The following PLCL2 variants were observed in gnomAD, a reference collection of about 807,000 sequenced individuals.
PLCL2 encodes phospholipase C like 2, also known as inactive phospholipase C-like protein 2.
Under a neutral mutation model 79.6 loss-of-function variants are expected in PLCL2, and 4 were observed. The observed-to-expected ratio is 0.05, with a 90% CI of 0.02 to 0.11. PLCL2 has a LOEUF of 0.11. PLCL2 is among the 10% of genes least tolerant of loss of function. The pLI is 1.00. For synonymous variants in PLCL2, 484 were observed against 457.7 expected, an observed-to-expected ratio of 1.06 and a Z score of -0.73; for missense variants, 895 against 1,291.0, an observed-to-expected ratio of 0.69 and a Z score of 4.70.
chr3:17,060,539 C>T lies in PLCL2; in HGVS notation c.3095-7417C>T, dbSNP rs114150846. Among the ~76,000 whole-genome samples the T allele has an allele frequency of 5.3e-3, 805 of 152,222 alleles. 12 individuals are homozygous for T. The highest frequency in any genetic ancestry group is 0.019 in the African/African-American group (776 of 41,522). ...AGGATGTAAACACCCACAGGTAGGC[C>T]GCACACCCAAACTTCAGACCTCCGG... On this transcript the variant is annotated intron_variant, in intron 4 of 5. Coordinates refer to ENST00000615277, the MANE Select transcript of PLCL2 (RefSeq NM_001144382.2).
intron 5 of PLCL2, among the ~76,000 whole-genome samples, chr3:17,074,599 C>G (rs751069939): frequency 4.6e-5 from 7 of 152,344 alleles, no homozygotes; most frequent in Non-Finnish European, 1.0e-4. Flanking sequence ...TAGATGGCAT[C>G]TTCTTTCAAT....
chr3:17,032,929 G>A (rs958695191), intron 3 of PLCL2, among the ~76,000 whole-genome samples: 11 of 152,280 alleles, frequency 7.2e-5, no homozygotes, highest in African/African-American at 1.9e-4. Context: ...GTGTGAATAT[G>A]ATTATATATT....
intron 1 of PLCL2, among the ~76,000 whole-genome samples, chr3:16,984,115 T>A (rs1485145081): frequency 6.6e-6 from 1 of 152,198 alleles, no homozygotes; most frequent in East Asian, 1.9e-4. Flanking sequence ...GTGGAGGGTA[T>A]TTCTTTACTA....
chr3:17,035,474 G>A (rs77613805), intron 3 of PLCL2, among the ~76,000 whole-genome samples: 1,993 of 152,144 alleles, frequency 0.013, 50 homozygotes, highest in African/African-American at 0.045. Flanking sequence ...CAGCCTTGGA[G>A]TCCTCCTCCA....
intron 1 of PLCL2, among the ~76,000 whole-genome samples, chr3:16,898,948 G>T (rs1230562423): frequency 1.3e-5 from 2 of 152,228 alleles, no homozygotes; most frequent in Non-Finnish European, 2.9e-5. Context: ...GGGGGTTGCG[G>T]GGACCCACGC....
At chr3:17,005,206 G>A (rs2064249360) in intron 1 of PLCL2, among the ~76,000 whole-genome samples, 2 of 152,150 alleles carry the variant, frequency 1.3e-5, no homozygotes, top group Admixed American at 1.3e-4. Flanking sequence ...GAAACAGGAG[G>A]TAATTTTCTT....
At chr3:17,007,718 T>C (rs2125006390) in intron 1 of PLCL2, among the ~76,000 whole-genome samples, 1 of 152,370 alleles carries the variant, frequency 6.6e-6, no homozygotes, top group East Asian at 1.9e-4. Context: ...AGATAGAGTA[T>C]AGCATAATAG....
intron 1 of PLCL2, among the ~76,000 whole-genome samples, chr3:16,910,898 T>G (rs1417383635): frequency 6.6e-6 from 1 of 152,126 alleles, no homozygotes; most frequent in African/African-American, 2.4e-5. Context: ...CAACAAACAC[T>G]TTGGTTTTAT....
Position 16,983,017 on chromosome 3 carries a change from TA to T in PLCL2, c.328-26656del, listed in dbSNP as rs749903903. 3.9e-5 allele frequency among the ~76,000 whole-genome samples: 6 copies of T among 152,360 alleles called. No individual in the cohort carries two copies. In the South Asian group the frequency reaches 1.2e-3, roughly 32 times the overall value. On this transcript the variant is annotated intron_variant, in intron 1 of 5. Transcript: ENST00000615277. ...GAATTGTTTTTCCATGGCAATAGTA[TA>T]TTTTTGTCTTTAAGTTTTTATATTA...
At chr3:17,013,336 A>G (rs2064348328) in intron 2 of PLCL2, among the ~76,000 whole-genome samples, 1 of 152,210 alleles carries the variant, frequency 6.6e-6, no homozygotes. Flanking sequence ...TGCACAAGCA[A>G]TCTAGGCCAT....
At chr3:16,994,231 A>G (rs114971601) in intron 1 of PLCL2, among the ~76,000 whole-genome samples, 1,538 of 152,332 alleles carry the variant, frequency 0.01, 30 homozygotes, top group African/African-American at 0.035. Context: ...GGAAAATGGC[A>G]GAACTGGACC....
chr3:16,904,927 C>T (rs1294955808), intron 1 of PLCL2, among the ~76,000 whole-genome samples: 1 of 152,142 alleles, frequency 6.6e-6, no homozygotes, highest in Non-Finnish European at 1.5e-5. Flanking sequence ...GCCTTCCCAG[C>T]CCTGCAGAAC....
rs578245976 is a variant in PLCL2 at position 17,078,330 on chromosome 3, G to A, written c.3204+10265G>A. On this transcript the variant is annotated intron_variant, in intron 5 of 5. Transcript: ENST00000615277. ...CTGGGCTCAGCCAGATGGTTTTGCT[G>A]CTCCATGTGATATTAGCTGGGATCA... 2.6e-5 allele frequency among the ~76,000 whole-genome samples: 4 copies of A among 152,256 alleles called. No individual in the cohort carries two copies. In the South Asian group the frequency reaches 8.3e-4, roughly 32 times the overall value.
rs1441695581 is a variant in PLCL2, at chr3:17,010,531, G to A, written c.1185G>A (p.Gln395=). ...IHKYEPSKEG[Q]EKGWLSIDGF... Reference sequence around the variant, plus strand: ...AATATGAACCATCCAAAGAGGGTCAGGAAAAGGGCTGGCTCTCCATAGACG... The same window carrying A: ...AATATGAACCATCCAAAGAGGGTCAAGAAAAGGGCTGGCTCTCCATAGACG... The change falls in exon 2 of 6, where the codon CAG becomes CAA. Residue 395 remains glutamine (Q), a synonymous_variant. Coordinates refer to ENST00000615277, the MANE Select transcript of PLCL2 (RefSeq NM_001144382.2). The surrounding 1 kb of genome is among the most constrained non-coding windows in gnomAD (Gnocchi z 5.8). The A allele has an allele frequency of 4.3e-6, 7 of 1,613,958 alleles. No individual in the cohort carries two copies. In the Admixed American group the frequency reaches 8.3e-5, roughly 19 times the overall value.
intron 4 of PLCL2, among the ~76,000 whole-genome samples, chr3:17,059,432 A>G (rs12493350): frequency 1.2e-4 from 9 of 77,522 alleles, no homozygotes; most frequent in Non-Finnish European, 1.5e-4. Flanking sequence ...GTGTGTGTGT[A>G]TATATATATG....
intron 4 of PLCL2, among the ~76,000 whole-genome samples, chr3:17,052,677 C>T (rs2064854415): frequency 6.6e-6 from 1 of 152,170 alleles, no homozygotes; most frequent in African/African-American, 2.4e-5. Context: ...TCTGCCTCTG[C>T]CACCTCTGAG....
chr3:16,996,104 A>G (rs535747804), intron 1 of PLCL2, among the ~76,000 whole-genome samples: 9 of 152,318 alleles, frequency 5.9e-5, no homozygotes, highest in African/African-American at 1.9e-4. Flanking sequence ...CTACTCTGGG[A>G]AGCTGCAATC....
intron 1 of PLCL2, among the ~76,000 whole-genome samples, chr3:16,938,188 C>A (rs1024801219): frequency 2.0e-5 from 3 of 152,068 alleles, no homozygotes; most frequent in Non-Finnish European, 4.4e-5. Flanking sequence ...TGGATCTGTT[C>A]TTTAAAATTT....
At chr3:16,910,440 T>TA (rs1201938926) in intron 1 of PLCL2, among the ~76,000 whole-genome samples, 1 of 152,124 alleles carries the variant, frequency 6.6e-6, no homozygotes, top group Admixed American at 6.5e-5. Flanking sequence ...TTGGCACACT[T>TA]ACTTCGCTTG....
Sources: allele counts gnomAD v4.1 joint callset (sites outside exome capture counted in the v4.1 genomes callset), GRCh38; gene constraint gnomAD v4.1.1; non-coding constraint Gnocchi (gnomAD v3.1); transcripts MANE v1.5; gene names NCBI Gene and HGNC (gene_info 2026-07-23, HGNC 2026-07-21).